The following PCDHA13 variants were observed in gnomAD, a reference collection of about 807,000 sequenced individuals.
PCDHA13 encodes the protein protocadherin alpha 13.
In PCDHA13, 54 loss-of-function variants were observed where a neutral mutation model predicts 64.8. The ratio of observed to expected loss-of-function variants is 0.83; its 90% CI spans 0.67 to 1.04. PCDHA13 has a LOEUF of 1.04. Among genes scored for constraint, PCDHA13 ranks in the 50% least tolerant of loss-of-function variants. PCDHA13 has a pLI of 0.00. For synonymous variants in PCDHA13, 587 were observed against 564.4 expected, an observed-to-expected ratio of 1.04 and a Z score of -0.57; for missense variants, 1,248 against 1,254.3, an observed-to-expected ratio of 0.99 and a Z score of 0.08.
intron 1 of PCDHA13, among the ~76,000 whole-genome samples, chr5:140,961,952 C>T (rs2095645754): frequency 6.6e-6 from 1 of 151,264 alleles, no homozygotes; most frequent in South Asian, 2.1e-4. Flanking sequence ...GGCATGATCT[C>T]GGCTCACTGC....
At chr5:140,897,086 T>G (rs527763854) in intron 1 of PCDHA13, among the ~76,000 whole-genome samples, 379 of 152,296 alleles carry the variant, frequency 2.5e-3, no homozygotes, top group African/African-American at 8.4e-3. Context: ...TTCTATTTTT[T>G]ATCCTCATTA....
intron 1 of PCDHA13, among the ~76,000 whole-genome samples, chr5:140,949,420 G>A (rs1219049825): frequency 6.6e-6 from 1 of 151,726 alleles, no homozygotes; most frequent in African/African-American, 2.4e-5. Context: ...TCATCATTGT[G>A]TTTATCTCTT....
chr5:140,986,545 G>T (rs1554248133), intron 3 of PCDHA13, among the ~76,000 whole-genome samples: 1 of 152,172 alleles, frequency 6.6e-6, no homozygotes, highest in East Asian at 1.9e-4. Context: ...GCTTCAGTGG[G>T]CCAGGCTGCT....
intron 1 of PCDHA13, among the ~76,000 whole-genome samples, chr5:140,973,323 A>G (rs1331752602): frequency 1.3e-5 from 2 of 152,160 alleles, no homozygotes; most frequent in African/African-American, 4.8e-5. Flanking sequence ...AACAGAGTTT[A>G]CACTCGTTGT....
In PCDHA13 at chr5:140,990,740, G is replaced by C. The variant is rs76434886; in HGVS notation, c.2542+8177G>C. Among the ~76,000 whole-genome samples the C allele has an allele frequency of 8.5e-3, 1,294 of 152,288 alleles. 21 individuals carry two copies. Among genetic ancestry groups the C allele is most frequent in the African/African-American group, 0.029 (1,222 of 41,552 alleles). ...ATCACTAGGTATATCAACAGCCCTA[G>C]GGTGGATACCTTTGAGCCTGTAAAT... On this transcript the variant is annotated intron_variant, in intron 3 of 3. Coordinates refer to ENST00000289272, the MANE Select transcript of PCDHA13 (RefSeq NM_018904.3).
chr5:140,968,813 A>T, intron 1 of PCDHA13: 2 of 1,614,194 alleles, frequency 1.2e-6, no homozygotes, highest in Non-Finnish European at 1.7e-6. Context: ...TGTGGTGGAT[A>T]GGGTTTCCAA....
intron 1 of PCDHA13, among the ~76,000 whole-genome samples, chr5:140,886,698 C>A (rs578140955): frequency 2.0e-5 from 3 of 151,820 alleles, no homozygotes; most frequent in Non-Finnish European, 4.4e-5. Flanking sequence ...TGGTGGCACG[C>A]GCCTGTAATC....
rs1421475221 is a variant in PCDHA13, at chr5:140,883,398, G to A, written c.1130G>A (p.Arg377His). The change falls in exon 1 of 4, where the codon CGT becomes CAT. Residue 377 changes from arginine (R) to histidine (H), a missense_variant. Physicochemically the swap from Arg to His is conservative, Grantham distance 29. Transcript: ENST00000289272. ...AIIALISVSD[R>H]DSGSNGQVTC... ...ATTGCCCTAATCAGTGTGTCCGATCGTGACTCTGGCTCAAATGGACAGGTC... is the reference window on the plus strand; with the variant it reads ...ATTGCCCTAATCAGTGTGTCCGATCATGACTCTGGCTCAAATGGACAGGTC... 1 of 1,614,166 alleles carries A rather than the reference G, an allele frequency of 6.2e-7. No individual in the cohort carries two copies. Among genetic ancestry groups the A allele is most frequent in the Non-Finnish European group, 8.5e-7 (1 of 1,180,028 alleles).
At chr5:140,900,422 C>G (rs1422913254) in intron 1 of PCDHA13, among the ~76,000 whole-genome samples, 1 of 152,142 alleles carries the variant, frequency 6.6e-6, no homozygotes, top group East Asian at 1.9e-4. Context: ...GGATTATAGG[C>G]ACGTGCCACC....
intron 2 of PCDHA13, among the ~76,000 whole-genome samples, chr5:140,981,839 A>T (rs950232298): frequency 6.6e-6 from 1 of 152,116 alleles, no homozygotes; most frequent in Non-Finnish European, 1.5e-5. Flanking sequence ...AAGGTCTCCC[A>T]GTTTGTATCT....
intron 1 of PCDHA13, among the ~76,000 whole-genome samples, chr5:140,956,122 A>T (rs1371284760): frequency 6.6e-6 from 1 of 152,116 alleles, no homozygotes; most frequent in Non-Finnish European, 1.5e-5. Context: ...CTCTCTTCCT[A>T]TTTGAATACC....
intron 1 of PCDHA13, among the ~76,000 whole-genome samples, chr5:140,896,881 A>C (rs1436700773): frequency 9.9e-5 from 15 of 152,204 alleles, no homozygotes; most frequent in Non-Finnish European, 1.3e-4. Context: ...TTTATGGGGT[A>C]TATGAGACAT....
Position 140,932,319 on chromosome 5 carries a change from G to A in PCDHA13, c.2395-46630G>A, listed in dbSNP as rs60286116. Among the ~76,000 whole-genome samples the A allele has an allele frequency of 3.3e-3, 499 of 151,902 alleles. 2 individuals are homozygous for A. The highest frequency in any genetic ancestry group is 0.012 in the African/African-American group (480 of 41,512). ...TTTTTAAAGGTATAAATATATTAATGTAGCAAAAATGCATGAAACACTTAC... is the reference window on the plus strand; with the variant it reads ...TTTTTAAAGGTATAAATATATTAATATAGCAAAAATGCATGAAACACTTAC... On this transcript the variant is annotated intron_variant, in intron 1 of 3. Transcript: ENST00000289272.
At chr5:140,910,095 C>T (rs1011405673) in intron 1 of PCDHA13, among the ~76,000 whole-genome samples, 1 of 152,188 alleles carries the variant, frequency 6.6e-6, no homozygotes, top group Non-Finnish European at 1.5e-5. Flanking sequence ...GAACCAGCCT[C>T]CCCTTCATTT....
At chr5:140,911,952 G>A (rs2075698662) in intron 1 of PCDHA13, among the ~76,000 whole-genome samples, 1 of 152,170 alleles carries the variant, frequency 6.6e-6, no homozygotes, top group South Asian at 2.1e-4. Context: ...ATAAAGGGGA[G>A]GTTACTAAGG....
At chr5:140,984,139 C>T (rs2097088415) in intron 3 of PCDHA13, among the ~76,000 whole-genome samples, 1 of 152,178 alleles carries the variant, frequency 6.6e-6, no homozygotes. Flanking sequence ...GATGTGGAGG[C>T]ATCTGGGAAG....
intron 1 of PCDHA13, chr5:140,968,442 T>G (rs1245424149): frequency 3.1e-6 from 5 of 1,613,950 alleles, no homozygotes; most frequent in Non-Finnish European, 4.2e-6. Context: ...AGCCCACCAC[T>G]GAGCAGCACT....
chr5:140,950,040 C>A (rs1053592525), intron 1 of PCDHA13, among the ~76,000 whole-genome samples: 2 of 151,718 alleles, frequency 1.3e-5, no homozygotes, highest in Non-Finnish European at 3.0e-5. Flanking sequence ...AAGTTACAAC[C>A]ATATAAGACT....
intron 1 of PCDHA13, chr5:140,967,561 G>T: frequency 6.2e-7 from 1 of 1,614,076 alleles, no homozygotes; most frequent in Non-Finnish European, 8.5e-7. Flanking sequence ...ATCGCGTCCA[G>T]CTACGGGAGG....
Sources: allele counts gnomAD v4.1 joint callset (sites outside exome capture counted in the v4.1 genomes callset), GRCh38; gene constraint gnomAD v4.1.1; transcripts MANE v1.5; gene names NCBI Gene and HGNC (gene_info 2026-07-23, HGNC 2026-07-21).